SEMA5A: variants seen among roughly 807,000 people sequenced by gnomAD.
SEMA5A encodes the protein semaphorin 5A, also known as semaphorin-5A.
Under a neutral mutation model 135.5 loss-of-function variants are expected in SEMA5A, and 55 were observed. The observed-to-expected ratio is 0.41, with a 90% CI of 0.33 to 0.51. SEMA5A has a LOEUF of 0.51. Among genes scored for constraint, SEMA5A ranks in the 20% least tolerant of loss-of-function variants. The probability of loss-of-function intolerance (pLI) is 0.37; values close to 1 mark genes in which losing one functional copy is unlikely to be tolerated. For synonymous variants in SEMA5A, 580 were observed against 546.5 expected (o/e 1.06, Z -0.85); for missense variants, 1,290 against 1,419.9 (o/e 0.91, Z 1.47).
At position 9,521,357 on chromosome 5, in the gene SEMA5A, C is replaced by T. The variant is rs187177480; in HGVS notation, c.-175+24227G>A. 9.4e-3 allele frequency among the ~76,000 whole-genome samples: 1,433 copies of T among 152,194 alleles called. 17 individuals carry two copies. The highest frequency in any genetic ancestry group is 0.017 in the Middle Eastern group (5 of 294). On this transcript the variant is annotated intron_variant, in intron 1 of 22. Transcript: ENST00000382496. ...CCCAGGAGGTGGAGGCCGCAGTGAG[C>T]GGAGATCACGCCACTGCATTCCAGC...
At chr5:9,430,836 T>C (rs1421308946) in intron 2 of SEMA5A, among the ~76,000 whole-genome samples, 2 of 152,060 alleles carry the variant, frequency 1.3e-5, no homozygotes, top group Non-Finnish European at 2.9e-5. Flanking sequence ...AACCAAGTTT[T>C]TTTTGTTTTT....
chr5:9,070,659 C>T (rs1039185206), intron 16 of SEMA5A, among the ~76,000 whole-genome samples: 1 of 152,170 alleles, frequency 6.6e-6, no homozygotes, highest in Non-Finnish European at 1.5e-5. Context: ...GAGGTGGGCA[C>T]AGCTCACGGC....
At chr5:9,544,822 G>A (rs1440114992) in intron 1 of SEMA5A, among the ~76,000 whole-genome samples, 2 of 152,230 alleles carry the variant, frequency 1.3e-5, no homozygotes, top group African/African-American at 2.4e-5. Context: ...CGCGGGGAGC[G>A]AGCCGGGGGA....
intron 1 of SEMA5A, among the ~76,000 whole-genome samples, chr5:9,482,287 T>G (rs1400674315): frequency 3.3e-5 from 5 of 152,186 alleles, no homozygotes; most frequent in Admixed American, 3.3e-4. Context: ...GAAAAATATC[T>G]TATTAACTCA....
At chr5:9,211,338 T>C (rs1746335876) in intron 8 of SEMA5A, among the ~76,000 whole-genome samples, 2 of 151,956 alleles carry the variant, frequency 1.3e-5, no homozygotes, top group Admixed American at 6.6e-5. Context: ...CTTCTTTTTC[T>C]TGACAAATAC....
chr5:9,461,562 C>A (rs1035250663), intron 1 of SEMA5A, among the ~76,000 whole-genome samples: 4 of 152,136 alleles, frequency 2.6e-5, no homozygotes, highest in African/African-American at 9.7e-5. Flanking sequence ...AGAGGCCCAT[C>A]ATCTTCTGAT....
chr5:9,360,114 C>T (rs975642047), intron 3 of SEMA5A, among the ~76,000 whole-genome samples: 1 of 152,224 alleles, frequency 6.6e-6, no homozygotes. Context: ...ATGAACTACT[C>T]ACTAGATGAA....
intron 19 of SEMA5A, among the ~76,000 whole-genome samples, chr5:9,052,253 G>C (rs1345809139): frequency 2.0e-5 from 3 of 152,204 alleles, no homozygotes; most frequent in Non-Finnish European, 4.4e-5. Context: ...TATTTGATCA[G>C]ATATCATGAG....
At chr5:9,463,550 A>G (rs1302717133) in intron 1 of SEMA5A, among the ~76,000 whole-genome samples, 1 of 152,184 alleles carries the variant, frequency 6.6e-6, no homozygotes, top group Admixed American at 6.5e-5. Flanking sequence ...ATAGAAATAA[A>G]GAAGCCAAAA....
intron 15 of SEMA5A, among the ~76,000 whole-genome samples, chr5:9,117,651 T>C (rs1740592523): frequency 6.6e-6 from 1 of 152,208 alleles, no homozygotes. Context: ...ACTTGTGGCA[T>C]CATGTCACTG....
chr5:9,206,356 T>C (rs144214689), intron 8 of SEMA5A, among the ~76,000 whole-genome samples: 135 of 152,322 alleles, frequency 8.9e-4, no homozygotes, highest in African/African-American at 3.0e-3. Flanking sequence ...TTCTTCTTCA[T>C]GATATAAGAA....
At chr5:9,536,213 A>G (rs1289228180) in intron 1 of SEMA5A, among the ~76,000 whole-genome samples, 1 of 152,212 alleles carries the variant, frequency 6.6e-6, no homozygotes, top group Non-Finnish European at 1.5e-5. Flanking sequence ...TTGGTTTAGC[A>G]GAGAAATTAA....
At chr5:9,354,556 G>A (rs1754360890) in intron 3 of SEMA5A, among the ~76,000 whole-genome samples, 1 of 152,174 alleles carries the variant, frequency 6.6e-6, no homozygotes, top group African/African-American at 2.4e-5. Context: ...CGTGACAGCT[G>A]TTTGTTCATT....
intron 11 of SEMA5A, among the ~76,000 whole-genome samples, chr5:9,163,730 C>T (rs1743424658): frequency 6.6e-6 from 1 of 151,884 alleles, no homozygotes; most frequent in Admixed American, 6.6e-5. Context: ...TGTAGGCCCT[C>T]ATCTGATATG....
chr5:9,502,092 A>C (rs1346452697), intron 1 of SEMA5A, among the ~76,000 whole-genome samples: 1 of 152,144 alleles, frequency 6.6e-6, no homozygotes, highest in East Asian at 1.9e-4. Flanking sequence ...ATTGGCTCTT[A>C]CTCTTTGTCC....
intron 1 of SEMA5A, among the ~76,000 whole-genome samples, chr5:9,509,676 TG>T (rs1349781361): frequency 6.6e-6 from 1 of 152,196 alleles, no homozygotes; most frequent in African/African-American, 2.4e-5. Context: ...AGTTTATCAT[TG>T]TAATACTCTA....
intron 11 of SEMA5A, among the ~76,000 whole-genome samples, chr5:9,176,241 A>G (rs1179245094): frequency 6.6e-6 from 1 of 152,212 alleles, no homozygotes; most frequent in African/African-American, 2.4e-5. Flanking sequence ...AAGTGGCCAC[A>G]TTGAAGAAGG....
intron 1 of SEMA5A, among the ~76,000 whole-genome samples, chr5:9,452,507 C>T (rs1314857623): frequency 6.6e-6 from 1 of 152,186 alleles, no homozygotes; most frequent in African/African-American, 2.4e-5. Flanking sequence ...CCAGCCCTGC[C>T]TCTAATTGCT....
intron 2 of SEMA5A, among the ~76,000 whole-genome samples, chr5:9,430,567 T>G (rs547829486): frequency 6.6e-6 from 1 of 152,160 alleles, no homozygotes; most frequent in South Asian, 2.1e-4. Context: ...CCCAGAGATA[T>G]GAGGTCAGGC....
Sources: allele counts gnomAD v4.1 joint callset (sites outside exome capture counted in the v4.1 genomes callset), GRCh38; gene constraint gnomAD v4.1.1; transcripts MANE v1.5; gene names NCBI Gene and HGNC (gene_info 2026-07-23, HGNC 2026-07-21).